The following GALNTL6 variants were observed in gnomAD, a reference collection of about 807,000 sequenced individuals.
GALNTL6 encodes polypeptide N-acetylgalactosaminyltransferase-like 6.
A neutral mutation model predicts 73.7 loss-of-function variants in GALNTL6; 46 were observed. The ratio of observed to expected loss-of-function variants is 0.62; its 90% CI spans 0.49 to 0.80. GALNTL6 has a LOEUF of 0.80. Ranked by LOEUF, GALNTL6 falls within the 30% of genes least tolerant of loss-of-function variation. The probability of loss-of-function intolerance (pLI) is 0.00; values close to 1 mark genes in which losing one functional copy is unlikely to be tolerated. For missense variants in GALNTL6, 604 were observed against 755.0 expected (o/e 0.80, Z 2.34); for synonymous variants, 259 against 263.7 (o/e 0.98, Z 0.17).
At chr4:172,306,891 T>G (rs1740159045) in intron 3 of GALNTL6, among the ~76,000 whole-genome samples, 1 of 152,210 alleles carries the variant, frequency 6.6e-6, no homozygotes, top group South Asian at 2.1e-4. Context: ...GGTTCCATAT[T>G]TTTGCAATTG....
chr4:172,513,351 G>C (rs1255183957), intron 5 of GALNTL6, among the ~76,000 whole-genome samples: 1 of 151,892 alleles, frequency 6.6e-6, no homozygotes, highest in African/African-American at 2.4e-5. Flanking sequence ...TCTTTATGTT[G>C]ATATTTACCT....
rs1406998392 is a variant in GALNTL6 at position 172,069,505 on chromosome 4, A to G, written c.139-160151A>G. On this transcript the variant is annotated intron_variant, in intron 2 of 12. Coordinates refer to ENST00000506823, the MANE Select transcript of GALNTL6 (RefSeq NM_001034845.3). ...ATATAACACATATGTTATATGTATA[A>G]CACATATATGTTATATGTATAACAC... 1.4e-3 allele frequency among the ~76,000 whole-genome samples: 90 copies of G among 65,050 alleles called. 26 individuals are homozygous for G. Among genetic ancestry groups the G allele is most frequent in the African/African-American group, 5.1e-3 (89 of 17,408 alleles). The allele number at this position is 65,050 out of a possible 152,430, so 42.7% of individuals were successfully genotyped here. A position where few individuals can be genotyped will look rare whatever the true frequency, so the allele number is the denominator to read the frequency against.
chr4:172,918,297 T>A (rs994963102), intron 8 of GALNTL6, among the ~76,000 whole-genome samples: 28 of 152,026 alleles, frequency 1.8e-4, no homozygotes, highest in African/African-American at 6.5e-4. Flanking sequence ...AATGATGAGT[T>A]AATGGGTGCA....
intron 7 of GALNTL6, among the ~76,000 whole-genome samples, chr4:172,826,885 G>A (rs1579533541): frequency 6.6e-6 from 1 of 152,180 alleles, no homozygotes; most frequent in African/African-American, 2.4e-5. Flanking sequence ...TCCATGCCGG[G>A]ATTGTTTTCC....
intron 5 of GALNTL6, among the ~76,000 whole-genome samples, chr4:172,359,437 G>C (rs1255029648): frequency 6.6e-6 from 1 of 152,124 alleles, no homozygotes; most frequent in Non-Finnish European, 1.5e-5. Context: ...GAAATAATCT[G>C]TACAACAAAT....
At chr4:171,857,517 C>A (rs1416683895) in intron 2 of GALNTL6, among the ~76,000 whole-genome samples, 1 of 152,084 alleles carries the variant, frequency 6.6e-6, no homozygotes, top group Admixed American at 6.6e-5. Context: ...ATAACCATTT[C>A]AGTGATTTTA....
At chr4:172,548,873 AT>A (rs1017811314) in intron 5 of GALNTL6, among the ~76,000 whole-genome samples, 6 of 152,064 alleles carry the variant, frequency 3.9e-5, no homozygotes, top group Admixed American at 1.3e-4. Flanking sequence ...AATAATCAGG[AT>A]TTTTTTCAGG....
intron 5 of GALNTL6, among the ~76,000 whole-genome samples, chr4:172,699,589 G>A (rs1290960811): frequency 6.6e-6 from 1 of 152,142 alleles, no homozygotes; most frequent in Non-Finnish European, 1.5e-5. Flanking sequence ...AGGAGCTCAT[G>A]TAAGAAACTT....
intron 2 of GALNTL6, among the ~76,000 whole-genome samples, chr4:172,046,469 C>A (rs1377544445): frequency 6.6e-6 from 1 of 152,098 alleles, no homozygotes; most frequent in Non-Finnish European, 1.5e-5. Flanking sequence ...GAGATCTGTA[C>A]TAGTTTACAT....
intron 12 of GALNTL6, among the ~76,000 whole-genome samples, chr4:173,033,633 C>G (rs1438624299): frequency 6.6e-6 from 1 of 152,146 alleles, no homozygotes; most frequent in African/African-American, 2.4e-5. Context: ...CCCTCCTGCC[C>G]ACTCCATTCA....
chr4:172,691,216 C>T (rs1202383284), intron 5 of GALNTL6, among the ~76,000 whole-genome samples: 1 of 152,016 alleles, frequency 6.6e-6, no homozygotes, highest in Non-Finnish European at 1.5e-5. Flanking sequence ...GAGTAGAACA[C>T]AAAGGAAATA....
chr4:172,155,106 T>G, intron 2 of GALNTL6, among the ~76,000 whole-genome samples: 1 of 150,900 alleles, frequency 6.6e-6, no homozygotes, highest in East Asian at 1.9e-4. Context: ...CAAGCGATTC[T>G]GCTGTCTCAG....
At chr4:171,833,256 A>T (rs527873351) in intron 2 of GALNTL6, among the ~76,000 whole-genome samples, 1 of 151,606 alleles carries the variant, frequency 6.6e-6, no homozygotes, top group African/African-American at 2.4e-5. Flanking sequence ...CTGGTGTTTA[A>T]TATTTTTTAT....
At chr4:171,821,914 AT>A (rs1243961979) in intron 2 of GALNTL6, among the ~76,000 whole-genome samples, 2 of 151,936 alleles carry the variant, frequency 1.3e-5, no homozygotes, top group Non-Finnish European at 2.9e-5. Context: ...GATTATTTTA[AT>A]TTTTTTATTG....
chr4:172,764,673 C>T (rs1278954310), intron 5 of GALNTL6, among the ~76,000 whole-genome samples: 1 of 151,972 alleles, frequency 6.6e-6, no homozygotes, highest in Non-Finnish European at 1.5e-5. Context: ...TGTGTATGTG[C>T]ACCTGAAAGT....
At chr4:172,877,173 ATGTT>A (rs953958963) in intron 7 of GALNTL6, among the ~76,000 whole-genome samples, 5 of 152,152 alleles carry the variant, frequency 3.3e-5, no homozygotes, top group Non-Finnish European at 5.9e-5. Flanking sequence ...TTCTTTATGT[ATGTT>A]TATCTTTAAA....
At chr4:172,175,429 T>C (rs1035369006) in intron 2 of GALNTL6, among the ~76,000 whole-genome samples, 1 of 152,078 alleles carries the variant, frequency 6.6e-6, no homozygotes. Flanking sequence ...AGGTTAGCAT[T>C]TGAGGAAGCA....
chr4:172,828,554 T>C (rs1329687384), intron 7 of GALNTL6, among the ~76,000 whole-genome samples: 1 of 152,092 alleles, frequency 6.6e-6, no homozygotes. Flanking sequence ...CATCATGTGT[T>C]AAATTAGCAT....
intron 2 of GALNTL6, among the ~76,000 whole-genome samples, chr4:171,830,965 A>T (rs1010243503): frequency 2.6e-5 from 4 of 152,142 alleles, no homozygotes; most frequent in Admixed American, 6.6e-5. Flanking sequence ...AACTTTACTA[A>T]TCTTTAAAAA....
Sources: allele counts gnomAD v4.1 joint callset (sites outside exome capture counted in the v4.1 genomes callset), GRCh38; gene constraint gnomAD v4.1.1; transcripts MANE v1.5; gene names NCBI Gene and HGNC (gene_info 2026-07-23, HGNC 2026-07-21).